Variants in NDUFA10 observed in about 807,000 individuals in gnomAD.
NDUFA10 encodes NADH dehydrogenase [ubiquinone] 1 alpha subcomplex subunit 10, mitochondrial.
A neutral mutation model predicts 47.8 loss-of-function variants in NDUFA10; 40 were observed. That is an observed-to-expected ratio of 0.84 (90% CI 0.65 to 1.09). The LOEUF (loss-of-function observed/expected upper bound fraction) is 1.09. NDUFA10 is among the 50% of genes least tolerant of loss of function. NDUFA10 has a pLI of 0.00. For missense variants in NDUFA10, 413 were observed against 451.1 expected (o/e 0.92, Z 0.76); for synonymous variants, 183 against 172.2 (o/e 1.06, Z -0.49).
rs570521026 is a variant in NDUFA10 at position 239,959,123 on chromosome 2, G to A, written c.*1995C>T. On this transcript the variant is annotated 3_prime_UTR_variant, in exon 10 of 10. Coordinates refer to ENST00000252711, the MANE Select transcript of NDUFA10 (RefSeq NM_004544.4). ...ATTGAAAACACCAGAAAATCAAACAGACGAATGTCCTCAGCACTACAAATT... is the reference window on the plus strand; with the variant it reads ...ATTGAAAACACCAGAAAATCAAACAAACGAATGTCCTCAGCACTACAAATT... The A allele has an allele frequency of 1.0e-6, 1 of 985,462 alleles. No individual in the cohort carries two copies. Among genetic ancestry groups the A allele is most frequent in the African/African-American group, 1.7e-5 (1 of 57,358 alleles). 61.0% of individuals were successfully genotyped at this position (985,462 alleles called of 1,614,324 possible). A position where few individuals can be genotyped will look rare whatever the true frequency, so the allele number is the denominator to read the frequency against.
chr2:240,004,079 G>A (rs1696841651), intron 8 of NDUFA10, among the ~76,000 whole-genome samples: 1 of 152,190 alleles, frequency 6.6e-6, no homozygotes, highest in Non-Finnish European at 1.5e-5. Context: ...GCAGCAGGCA[G>A]AAGGAACCAG....
In NDUFA10 at chr2:240,018,116, G is replaced by A. The variant is rs114486449; in HGVS notation, c.547+437C>T. On this transcript the variant is annotated intron_variant, in intron 4 of 9. Coordinates refer to ENST00000252711, the MANE Select transcript of NDUFA10 (RefSeq NM_004544.4). ...AGCTACTGTCCTGAAAAACGGCAGC[G>A]TGTCAGAGGGAAGCACTGTGATGAT... Among the ~76,000 whole-genome samples the A allele has an allele frequency of 6.0e-3, 907 of 152,298 alleles. 5 individuals carry two copies. Among genetic ancestry groups the A allele is most frequent in the African/African-American group, 0.021 (863 of 41,556 alleles).
At chr2:239,910,141 G>C (rs1045306886) in intron 4 of NDUFA10, among the ~76,000 whole-genome samples, 3 of 152,208 alleles carry the variant, frequency 2.0e-5, no homozygotes, top group Admixed American at 6.5e-5. Flanking sequence ...TTCAACCATT[G>C]TGGAAGACAG....
At chr2:240,017,023 C>T (rs950038001) in intron 4 of NDUFA10, among the ~76,000 whole-genome samples, 2 of 152,148 alleles carry the variant, frequency 1.3e-5, no homozygotes, top group Non-Finnish European at 2.9e-5. Flanking sequence ...CCCTCCTGAG[C>T]GGCAACTCCC....
chr2:239,966,831 A>G (rs1183304727), intron 9 of NDUFA10, among the ~76,000 whole-genome samples: 2 of 149,624 alleles, frequency 1.3e-5, no homozygotes, highest in Non-Finnish European at 3.0e-5. Context: ...TGAATTTTAC[A>G]GCATGTGCAA....
At chr2:239,985,060 A>G (rs904314908) in intron 9 of NDUFA10, among the ~76,000 whole-genome samples, 8 of 152,212 alleles carry the variant, frequency 5.3e-5, no homozygotes, top group African/African-American at 1.9e-4. Context: ...GGTAAAGCGC[A>G]TCCTCTCCAG....
At chr2:239,956,041 C>T (rs1045985821), downstream of NDUFA10, among the ~76,000 whole-genome samples, 1 of 152,160 alleles carries the variant, frequency 6.6e-6, no homozygotes, top group Non-Finnish European at 1.5e-5. Context: ...GCAAAAGGAG[C>T]CAGGTTCCAG....
At chr2:239,908,461 C>T (rs1285022911) in intron 4 of NDUFA10, among the ~76,000 whole-genome samples, 5 of 152,192 alleles carry the variant, frequency 3.3e-5, no homozygotes, top group Non-Finnish European at 5.9e-5. Context: ...GGGCACGGTG[C>T]TCCCAGACTT....
At chr2:240,017,502 G>A (rs1697408807) in intron 4 of NDUFA10, among the ~76,000 whole-genome samples, 1 of 152,168 alleles carries the variant, frequency 6.6e-6, no homozygotes, top group South Asian at 2.1e-4. Context: ...GCTCAGGAGT[G>A]CTAAGTACAC....
At chr2:239,980,211 C>T (rs1020668076) in intron 9 of NDUFA10, among the ~76,000 whole-genome samples, 3 of 152,340 alleles carry the variant, frequency 2.0e-5, no homozygotes, top group African/African-American at 7.2e-5. Context: ...CCAATGCTTA[C>T]AACAGTGCCT....
intron 4 of NDUFA10, among the ~76,000 whole-genome samples, chr2:239,921,971 TTCC>T (rs1233636569): frequency 7.0e-6 from 1 of 143,568 alleles, no homozygotes; most frequent in Non-Finnish European, 1.5e-5. Context: ...CCTCCCTCCT[TTCC>T]TCCTTCTTTC....
intron 4 of NDUFA10, among the ~76,000 whole-genome samples, chr2:239,936,463 A>G (rs1009696229): frequency 5.3e-5 from 8 of 152,118 alleles, no homozygotes; most frequent in African/African-American, 1.9e-4. Flanking sequence ...GTTTGCTGAA[A>G]CCCATAGCAG....
intron 4 of NDUFA10, among the ~76,000 whole-genome samples, chr2:239,913,407 G>C (rs770482892): frequency 6.6e-6 from 1 of 152,246 alleles, no homozygotes; most frequent in African/African-American, 2.4e-5. Flanking sequence ...ACTCTGCCAC[G>C]ATGGGCGGGC....
At chr2:239,929,752 T>C (rs1322630833) in intron 4 of NDUFA10, among the ~76,000 whole-genome samples, 3 of 110,954 alleles carry the variant, frequency 2.7e-5, no homozygotes, top group Non-Finnish European at 3.8e-5. Flanking sequence ...TCTCCACTGC[T>C]CTTGCTCCTC....
At chr2:239,964,238 GGGCCCCA>G (rs1241424144) in intron 9 of NDUFA10, among the ~76,000 whole-genome samples, 3 of 152,140 alleles carry the variant, frequency 2.0e-5, no homozygotes, top group Non-Finnish European at 4.4e-5. Flanking sequence ...TTATCTGGGT[GGGCCCCA>G]GGCCATCACT....
downstream of NDUFA10, among the ~76,000 whole-genome samples, chr2:239,952,938 C>G (rs1007700291): frequency 1.3e-5 from 2 of 152,232 alleles, no homozygotes; most frequent in Non-Finnish European, 2.9e-5. Context: ...ACCCTCCTCT[C>G]CAGCCACGTG....
rs1372623669 is a variant in NDUFA10 at position 239,959,479 on chromosome 2, G to A, written c.*1639C>T. The A allele has an allele frequency of 1.0e-6, 1 of 985,346 alleles. No homozygotes were observed. 61.0% of individuals were successfully genotyped at this position (985,346 alleles called of 1,614,324 possible). A position where few individuals can be genotyped will look rare whatever the true frequency, so the allele number is the denominator to read the frequency against. On this transcript the variant is annotated 3_prime_UTR_variant, in exon 10 of 10. Transcript: ENST00000252711. ...AAGTGCTCAGAGCAAAAGACACTCT[G>A]TGACTGGCCCAATGCCCAGCTGTGC...
rs559189528 is a variant in NDUFA10, at chr2:239,988,903, GCA to G, written c.999+1169_999+1170del. Among the ~76,000 whole-genome samples, 594 of 147,396 alleles carry G rather than the reference GCA, an allele frequency of 4.0e-3. 8 individuals carry two copies. Among genetic ancestry groups the G allele is most frequent in the African/African-American group, 0.014 (550 of 39,420 alleles). On this transcript the variant is annotated intron_variant, in intron 9 of 9. Transcript: ENST00000252711. ...GTACAAGGACAGAAAGGGAGACACA[GCA>G]CACACACTCACACACGTGTACAAGG...
chr2:240,019,407 A>G (rs1697514517), intron 3 of NDUFA10, among the ~76,000 whole-genome samples: 1 of 152,114 alleles, frequency 6.6e-6, no homozygotes, highest in Non-Finnish European at 1.5e-5. Context: ...TTTTTTTTCT[A>G]AATGGGAAAT....
Sources: allele counts gnomAD v4.1 joint callset (sites outside exome capture counted in the v4.1 genomes callset), GRCh38; gene constraint gnomAD v4.1.1; transcripts MANE v1.5; gene names NCBI Gene and HGNC (gene_info 2026-07-23, HGNC 2026-07-21).